Variants in COL22A1 observed in about 807,000 individuals in gnomAD.
The protein encoded by COL22A1 is collagen alpha-1(XXII) chain.
Under a neutral mutation model 248.9 loss-of-function variants are expected in COL22A1, and 221 were observed. The ratio of observed to expected loss-of-function variants is 0.89; its 90% CI spans 0.80 to 0.99. The LOEUF is 0.99. COL22A1 is among the 50% of genes least tolerant of loss of function. The pLI is 0.00. For missense variants in COL22A1, 2,240 were observed against 2,179.0 expected (o/e 1.03, Z -0.56); for synonymous variants, 891 against 793.4 (o/e 1.12, Z -2.07).
intron 6 of COL22A1, among the ~76,000 whole-genome samples, chr8:138,823,604 C>T (rs138728828): frequency 0.021 from 3,188 of 152,302 alleles, 59 homozygotes; most frequent in Middle Eastern, 0.071. Context: ...TGGGGTTTCA[C>T]CATGTTGGCC....
intron 41 of COL22A1, among the ~76,000 whole-genome samples, chr8:138,673,156 G>A (rs1175336791): frequency 6.6e-6 from 1 of 152,082 alleles, no homozygotes; most frequent in Non-Finnish European, 1.5e-5. Flanking sequence ...AAAGGCATGG[G>A]AGCATGACAT....
intron 47 of COL22A1, among the ~76,000 whole-genome samples, chr8:138,641,373 C>G (rs541711047): frequency 3.9e-5 from 6 of 152,272 alleles, no homozygotes; most frequent in African/African-American, 1.4e-4. Flanking sequence ...GGTGAACATG[C>G]TATAAGAAGG....
chr8:138,663,316 A>G (rs1191674769), intron 42 of COL22A1, among the ~76,000 whole-genome samples: 1 of 152,144 alleles, frequency 6.6e-6, no homozygotes, highest in Non-Finnish European at 1.5e-5. Flanking sequence ...TGCTCTGCCT[A>G]TGTTACAGAT....
chr8:138,845,275 G>GAC (rs200862459), intron 3 of COL22A1, among the ~76,000 whole-genome samples: 98 of 86,568 alleles, frequency 1.1e-3, no homozygotes, highest in African/African-American at 3.3e-3. Context: ...GGGAGGCCAA[G>GAC]ACGGGGGGGG....
intron 7 of COL22A1, among the ~76,000 whole-genome samples, chr8:138,820,507 G>A (rs1237860937): frequency 6.6e-6 from 1 of 151,978 alleles, no homozygotes; most frequent in Non-Finnish European, 1.5e-5. Context: ...GAAGTAAGGA[G>A]GGAAGAGGAA....
At chr8:138,784,941 G>A (rs778452720) in intron 12 of COL22A1, among the ~76,000 whole-genome samples, 1 of 152,184 alleles carries the variant, frequency 6.6e-6, no homozygotes, top group Non-Finnish European at 1.5e-5. Flanking sequence ...ACACTTAATA[G>A]TGTCCGAACT....
At chr8:138,766,512 T>G (rs1833924133) in intron 16 of COL22A1, among the ~76,000 whole-genome samples, 1 of 148,354 alleles carries the variant, frequency 6.7e-6, no homozygotes, top group African/African-American at 2.5e-5. Context: ...AGAGAGAGAC[T>G]CAGTAACAGA....
rs781130950 is a variant in COL22A1 at position 138,602,115 on chromosome 8, C to A, written c.4185G>T (p.Arg1395Ser). ...CAAGGTGCCTGTGCTCTCCACTCAC[C>A]CTTTCTCCTTTGAATCCAGGCTCTC... Reference protein sequence around the residue: ...KPGEPGFKGERGDPGIKGDKG... With the variant: ...KPGEPGFKGESGDPGIKGDKG... Residue 1395 changes from arginine to serine, a missense_variant and splice_region_variant, in exon 60 of 65, where the codon AGG (arginine) becomes AGT (serine). Coordinates refer to ENST00000303045, the MANE Select transcript of COL22A1 (RefSeq NM_152888.3). 1 of 1,614,130 alleles carries A rather than the reference C, an allele frequency of 6.2e-7. No homozygotes were observed. Among genetic ancestry groups the A allele is most frequent in the South Asian group, 1.1e-5 (1 of 91,072 alleles).
intron 1 of COL22A1, among the ~76,000 whole-genome samples, chr8:138,910,678 A>G (rs1815390698): frequency 6.6e-6 from 1 of 152,122 alleles, no homozygotes; most frequent in Non-Finnish European, 1.5e-5. Context: ...CTACCCTAAA[A>G]CATTCCTGTG....
intron 25 of COL22A1, 40 bp downstream of exon 25, chr8:138,724,575 G>A (rs756419430): frequency 5.4e-5 from 87 of 1,596,904 alleles, no homozygotes; most frequent in Non-Finnish European, 6.3e-5. Flanking sequence ...GCAATGGGGA[G>A]AGGGAGGAGG....
At chr8:138,912,543 C>T (rs565670962) in intron 1 of COL22A1, among the ~76,000 whole-genome samples, 2 of 152,232 alleles carry the variant, frequency 1.3e-5, no homozygotes, top group East Asian at 3.9e-4. Flanking sequence ...GAGTTGGAGA[C>T]CAGTCTGACC....
chr8:138,791,380 A>T (rs1326299596), intron 12 of COL22A1, among the ~76,000 whole-genome samples: 1 of 152,190 alleles, frequency 6.6e-6, no homozygotes, highest in Non-Finnish European at 1.5e-5. Flanking sequence ...GTCCAGCAGG[A>T]TGTGCACACC....
intron 2 of COL22A1, 148 bp downstream of exon 2, chr8:138,882,934 T>C: frequency 1.4e-6 from 1 of 710,710 alleles, no homozygotes; most frequent in East Asian, 2.8e-5. Context: ...AGAAGGCAGC[T>C]GACTCACACT....
intron 27 of COL22A1, among the ~76,000 whole-genome samples, chr8:138,720,139 C>T (rs1439444645): frequency 2.0e-5 from 3 of 152,156 alleles, no homozygotes; most frequent in Admixed American, 6.5e-5. Context: ...GCTGCCCTGT[C>T]CAAGTCACAT....
chr8:138,605,022 C>G (rs1234902985), intron 58 of COL22A1, among the ~76,000 whole-genome samples: 1 of 152,108 alleles, frequency 6.6e-6, no homozygotes, highest in African/African-American at 2.4e-5. Context: ...ATGACTCCAC[C>G]AAGAGGGCCT....
chr8:138,794,729 T>C (rs1219940983), intron 12 of COL22A1, among the ~76,000 whole-genome samples: 1 of 152,118 alleles, frequency 6.6e-6, no homozygotes, highest in Non-Finnish European at 1.5e-5. Flanking sequence ...TATTCAGCCT[T>C]TAAAAAGAAG....
intron 5 of COL22A1, among the ~76,000 whole-genome samples, chr8:138,828,749 CAA>C (rs375318134): frequency 6.8e-5 from 9 of 131,402 alleles, no homozygotes; most frequent in Non-Finnish European, 3.3e-5. Context: ...GACTCCATCT[CAA>C]AAAAAAAAAA....
chr8:138,749,083 T>A (rs1257912980), intron 22 of COL22A1, among the ~76,000 whole-genome samples: 1 of 152,190 alleles, frequency 6.6e-6, no homozygotes, highest in South Asian at 2.1e-4. Context: ...ATGTAAGGCA[T>A]GTCTTTCACC....
At chr8:138,803,974 G>C (rs1020641349) in intron 10 of COL22A1, among the ~76,000 whole-genome samples, 7 of 152,140 alleles carry the variant, frequency 4.6e-5, no homozygotes, top group Middle Eastern at 3.2e-3. Context: ...GGTCAGGGCT[G>C]TCAGCAGAAA....
Sources: allele counts gnomAD v4.1 joint callset (sites outside exome capture counted in the v4.1 genomes callset), GRCh38; gene constraint gnomAD v4.1.1; transcripts MANE v1.5; gene names NCBI Gene and HGNC (gene_info 2026-07-23, HGNC 2026-07-21).